Variants in CTNNBL1 observed in about 807,000 individuals in gnomAD.
CTNNBL1 encodes the protein beta-catenin-like protein 1.
In CTNNBL1, 31 loss-of-function variants were observed where a neutral mutation model predicts 72.7. The ratio of observed to expected loss-of-function variants is 0.43; its 90% CI spans 0.32 to 0.58. The LOEUF is 0.58. Among genes scored for constraint, CTNNBL1 ranks in the 20% least tolerant of loss-of-function variants. The pLI is 0.08. For missense variants in CTNNBL1, 534 were observed against 725.1 expected, an observed-to-expected ratio of 0.74 and a Z score of 3.03; for synonymous variants, 240 against 267.3, an observed-to-expected ratio of 0.90 and a Z score of 1.00.
intron 13 of CTNNBL1, among the ~76,000 whole-genome samples, chr20:37,847,534 G>A (rs1416941797): frequency 6.6e-6 from 1 of 152,136 alleles, no homozygotes; most frequent in East Asian, 1.9e-4. Context: ...CGAACGACTT[G>A]AAGCCCAGAA....
At chr20:37,726,958 A>G (rs1027982927) in intron 1 of CTNNBL1, among the ~76,000 whole-genome samples, 15 of 152,134 alleles carry the variant, frequency 9.9e-5, no homozygotes, top group Non-Finnish European at 1.9e-4. Flanking sequence ...CCCCAAGCCT[A>G]ATTGAGGTCG....
intron 10 of CTNNBL1, among the ~76,000 whole-genome samples, chr20:37,794,686 G>C (rs1436191858): frequency 6.6e-6 from 1 of 151,164 alleles, no homozygotes; most frequent in African/African-American, 2.4e-5. Context: ...ACTTTAAGTA[G>C]AGACGGGGTC....
At chr20:37,828,133 A>G (rs2122784793) in intron 11 of CTNNBL1, among the ~76,000 whole-genome samples, 1 of 152,320 alleles carries the variant, frequency 6.6e-6, no homozygotes. Flanking sequence ...TATCACATTC[A>G]GCATTCGTTG....
intron 11 of CTNNBL1, among the ~76,000 whole-genome samples, chr20:37,807,804 C>T (rs2071972937): frequency 6.6e-6 from 1 of 152,086 alleles, no homozygotes; most frequent in Non-Finnish European, 1.5e-5. Context: ...CCCTTGGGTG[C>T]ACTAGCATGA....
intron 15 of CTNNBL1, 81 bp downstream of exon 15, chr20:37,860,425 T>C: frequency 8.7e-7 from 1 of 1,147,982 alleles, no homozygotes; most frequent in Non-Finnish European, 1.3e-6. Context: ...GTATCCCTGG[T>C]ATTTGATGTG....
At chr20:37,749,717 G>A (rs1006454427) in intron 4 of CTNNBL1, 5 of 152,078 alleles carry the variant, frequency 3.3e-5, no homozygotes, top group Admixed American at 1.3e-4. Context: ...CTCAAAGTAC[G>A]ATTTTTCTTG....
chr20:37,774,191 G>A (rs1478624025), intron 7 of CTNNBL1, among the ~76,000 whole-genome samples: 1 of 152,108 alleles, frequency 6.6e-6, no homozygotes, highest in Non-Finnish European at 1.5e-5. Flanking sequence ...TGGGAGTACA[G>A]GTGTGAGCCA....
intron 11 of CTNNBL1, among the ~76,000 whole-genome samples, chr20:37,830,484 C>T (rs1357943694): frequency 4.6e-5 from 7 of 152,120 alleles, no homozygotes; most frequent in Non-Finnish European, 1.0e-4. Context: ...CCAGCAGGAC[C>T]CCTCTAGAAT....
At chr20:37,715,517 C>T (rs951416003) in intron 1 of CTNNBL1, among the ~76,000 whole-genome samples, 1 of 152,196 alleles carries the variant, frequency 6.6e-6, no homozygotes, top group Non-Finnish European at 1.5e-5. Context: ...GCTGTGACCT[C>T]GGTGCCTCCT....
At chr20:37,812,601 G>T (rs141179747) in intron 11 of CTNNBL1, among the ~76,000 whole-genome samples, 66 of 152,298 alleles carry the variant, frequency 4.3e-4, no homozygotes, top group African/African-American at 1.6e-3. Flanking sequence ...CTATTTCTAT[G>T]GGTAGATGTC....
chr20:37,719,266 C>T (rs1286105997), intron 1 of CTNNBL1, among the ~76,000 whole-genome samples: 1 of 152,184 alleles, frequency 6.6e-6, no homozygotes, highest in East Asian at 1.9e-4. Flanking sequence ...GGAGAATTTG[C>T]ATACATTTGC....
At chr20:37,844,681 T>G (rs1287825180) in intron 13 of CTNNBL1, among the ~76,000 whole-genome samples, 1 of 152,156 alleles carries the variant, frequency 6.6e-6, no homozygotes, top group Admixed American at 6.5e-5. Flanking sequence ...CATCCCTACC[T>G]TTTTAGGGTA....
chr20:37,700,008 C>T (rs547878721), intron 1 of CTNNBL1, among the ~76,000 whole-genome samples: 1 of 152,270 alleles, frequency 6.6e-6, no homozygotes, highest in Non-Finnish European at 1.5e-5. Context: ...CTCTCTGAGG[C>T]CCCTTCTAGC....
intron 11 of CTNNBL1, among the ~76,000 whole-genome samples, chr20:37,813,832 G>A (rs1035444831): frequency 5.3e-5 from 8 of 152,188 alleles, no homozygotes; most frequent in Admixed American, 5.2e-4. Context: ...GCATTTGTAG[G>A]TGGTGCCAAA....
intron 1 of CTNNBL1, among the ~76,000 whole-genome samples, chr20:37,707,257 CT>C (rs1487455836): frequency 3.9e-5 from 6 of 152,220 alleles, no homozygotes; most frequent in African/African-American, 7.2e-5. Flanking sequence ...CAGGCATTGA[CT>C]TCTCTCTAGC....
intron 10 of CTNNBL1, among the ~76,000 whole-genome samples, chr20:37,800,389 C>T (rs2073813874): frequency 6.6e-6 from 1 of 152,182 alleles, no homozygotes; most frequent in South Asian, 2.1e-4. Context: ...TACTTTCTCA[C>T]CTCCTTTTAC....
chr20:37,794,659 A>AT (rs151203828), intron 10 of CTNNBL1, among the ~76,000 whole-genome samples: 262 of 143,566 alleles, frequency 1.8e-3, no homozygotes, highest in Middle Eastern at 3.6e-3. Flanking sequence ...CACCTGGCTA[A>AT]TTTTTTTTTT....
intron 5 of CTNNBL1, among the ~76,000 whole-genome samples, chr20:37,760,498 A>G (rs1480730881): frequency 6.6e-6 from 1 of 152,290 alleles, no homozygotes; most frequent in Admixed American, 6.5e-5. Flanking sequence ...CACTTGTCAC[A>G]TTGGATTATA....
At chr20:37,848,369 T>A (rs1212644449) in intron 13 of CTNNBL1, among the ~76,000 whole-genome samples, 1 of 151,986 alleles carries the variant, frequency 6.6e-6, no homozygotes, top group Non-Finnish European at 1.5e-5. Flanking sequence ...TTGCCCAGGG[T>A]GTTCTCAAAC....
Sources: gnomAD v4.1 joint callset for allele counts (sites outside exome capture counted in the v4.1 genomes callset) on GRCh38, gnomAD v4.1.1 for gene constraint, MANE v1.5 for transcripts, NCBI Gene and HGNC (gene_info 2026-07-23, HGNC 2026-07-21) for gene names.